RAPGEF2: variants seen among roughly 807,000 people sequenced by gnomAD.
The protein encoded by RAPGEF2 is Rap guanine nucleotide exchange factor 2.
Under a neutral mutation model 186.7 loss-of-function variants are expected in RAPGEF2, and 54 were observed. The observed-to-expected ratio is 0.29, with a 90% CI of 0.23 to 0.36. The LOEUF is 0.36. RAPGEF2 is among the 10% of genes least tolerant of loss of function. RAPGEF2 has a pLI of 1.00. For synonymous variants in RAPGEF2, 712 were observed against 705.9 expected, an observed-to-expected ratio of 1.01 and a Z score of -0.14; for missense variants, 1,532 against 2,045.0, an observed-to-expected ratio of 0.75 and a Z score of 4.84.
chr4:159,303,274 G>T (rs1269864535), intron 7 of RAPGEF2, among the ~76,000 whole-genome samples: 1 of 152,024 alleles, frequency 6.6e-6, no homozygotes, highest in Non-Finnish European at 1.5e-5. Flanking sequence ...GAGGGGGAGG[G>T]AATGAGCCTC....
intron 4 of RAPGEF2, among the ~76,000 whole-genome samples, chr4:159,218,453 A>G (rs1751193007): frequency 6.6e-6 from 1 of 152,190 alleles, no homozygotes; most frequent in South Asian, 2.1e-4. Context: ...TTCTTTATAG[A>G]GAACATTATT....
intron 7 of RAPGEF2, among the ~76,000 whole-genome samples, chr4:159,261,367 A>G (rs1756857246): frequency 6.6e-6 from 1 of 152,124 alleles, no homozygotes; most frequent in Non-Finnish European, 1.5e-5. Flanking sequence ...CAGCTGAAAA[A>G]GGTTAATTAT....
At chr4:159,303,116 C>G (rs1762867468) in intron 7 of RAPGEF2, among the ~76,000 whole-genome samples, 1 of 152,112 alleles carries the variant, frequency 6.6e-6, no homozygotes, top group Admixed American at 6.6e-5. Flanking sequence ...GGGGTGTAAT[C>G]TATTCAGACA....
chr4:159,171,059 C>T (rs1251389145), intron 1 of RAPGEF2, among the ~76,000 whole-genome samples: 2 of 152,096 alleles, frequency 1.3e-5, no homozygotes, highest in Admixed American at 1.3e-4. Flanking sequence ...CTGTCTACTT[C>T]TTAAGTGGTC....
intron 7 of RAPGEF2, among the ~76,000 whole-genome samples, chr4:159,294,254 T>G (rs1301778530): frequency 2.0e-5 from 3 of 152,238 alleles, no homozygotes; most frequent in African/African-American, 7.2e-5. Flanking sequence ...ATCTTTTTTC[T>G]TTGACTTTAA....
intron 1 of RAPGEF2, among the ~76,000 whole-genome samples, chr4:159,160,725 G>C (rs1239214514): frequency 6.6e-6 from 1 of 152,146 alleles, no homozygotes; most frequent in East Asian, 1.9e-4. Context: ...ACTCCAAAAG[G>C]AAGTGGATTT....
chr4:159,204,089 A>T (rs927408577), intron 3 of RAPGEF2, among the ~76,000 whole-genome samples: 6 of 152,258 alleles, frequency 3.9e-5, no homozygotes, highest in Non-Finnish European at 7.3e-5. Flanking sequence ...TTACCTGAGC[A>T]AATGATCACT....
intron 2 of RAPGEF2, among the ~76,000 whole-genome samples, chr4:159,187,134 A>G (rs1359156951): frequency 6.6e-6 from 1 of 152,228 alleles, no homozygotes; most frequent in East Asian, 1.9e-4. Context: ...TAGGTCCTAT[A>G]CTAAGGAGCT....
At chr4:159,311,698 G>T (rs1364154303) in intron 8 of RAPGEF2, among the ~76,000 whole-genome samples, 1 of 152,072 alleles carries the variant, frequency 6.6e-6, no homozygotes, top group Non-Finnish European at 1.5e-5. Context: ...TACATTCTAG[G>T]TACTCTTCTT....
intron 2 of RAPGEF2, among the ~76,000 whole-genome samples, chr4:159,191,404 A>G (rs1210201560): frequency 2.6e-5 from 4 of 152,036 alleles, no homozygotes; most frequent in African/African-American, 9.7e-5. Flanking sequence ...GGACCAAATG[A>G]TGGAGGAGTG....
At position 159,266,187 on chromosome 4, in the gene RAPGEF2, G is replaced by A. The variant is rs539832750; in HGVS notation, c.543+22396G>A. 4.0e-4 allele frequency among the ~76,000 whole-genome samples: 61 copies of A among 152,238 alleles called. No homozygotes were observed. In the South Asian group the frequency reaches 0.012, roughly 31 times the overall value. ...AAGGATAATGGGTAATGTAAGAAAAGGGGTTGGGGGGATGGGGAGAAGGAT... is the reference window on the plus strand; with the variant it reads ...AAGGATAATGGGTAATGTAAGAAAAAGGGTTGGGGGGATGGGGAGAAGGAT... On this transcript the variant is annotated intron_variant, in intron 7 of 29. Coordinates refer to ENST00000691494, the MANE Select transcript of RAPGEF2 (RefSeq NM_001394067.2).
At chr4:159,284,939 G>C in intron 7 of RAPGEF2, among the ~76,000 whole-genome samples, 1 of 152,156 alleles carries the variant, frequency 6.6e-6, no homozygotes, top group East Asian at 1.9e-4. Context: ...TGTGGTTCCA[G>C]CTACTTGAGA....
intron 7 of RAPGEF2, among the ~76,000 whole-genome samples, chr4:159,270,232 A>G (rs1003564222): frequency 3.9e-5 from 6 of 152,182 alleles, no homozygotes; most frequent in African/African-American, 1.2e-4. Context: ...CTTTGGTTCT[A>G]TTGAGTTTGC....
chr4:159,234,366 G>T (rs184148006), intron 4 of RAPGEF2, among the ~76,000 whole-genome samples: 26 of 139,600 alleles, frequency 1.9e-4, no homozygotes, highest in Non-Finnish European at 3.9e-4. Context: ...CTTTCAGCTG[G>T]TGTAATAGGA....
At chr4:159,358,064 A>C in intron 29 of RAPGEF2, 50 bp from the exon 30 acceptor site, 2 of 1,581,920 alleles carry the variant, frequency 1.3e-6, no homozygotes, top group Non-Finnish European at 1.7e-6. Context: ...TAGCACAAGA[A>C]ATTACTTGCT....
At chr4:159,330,265 A>ATATG in intron 12 of RAPGEF2, 69 bp from the exon 13 acceptor site, 2 of 529,620 alleles carry the variant, frequency 3.8e-6, no homozygotes, top group East Asian at 2.9e-5. Flanking sequence ...GTATATGTAT[A>ATATG]TGTGTGTGTG....
intron 5 of RAPGEF2, among the ~76,000 whole-genome samples, chr4:159,240,703 A>G (rs1461129226): frequency 6.6e-6 from 1 of 152,122 alleles, no homozygotes; most frequent in Non-Finnish European, 1.5e-5. Context: ...AAGTCATGGA[A>G]TGAAAGTAGA....
At chr4:159,159,659 A>C (rs538507804) in intron 1 of RAPGEF2, among the ~76,000 whole-genome samples, 4 of 152,238 alleles carry the variant, frequency 2.6e-5, no homozygotes, top group African/African-American at 7.2e-5. Flanking sequence ...AAAATTATTC[A>C]TACACATATT....
intron 8 of RAPGEF2, among the ~76,000 whole-genome samples, chr4:159,306,429 T>C (rs1763312601): frequency 6.6e-6 from 1 of 152,204 alleles, no homozygotes; most frequent in Non-Finnish European, 1.5e-5. Flanking sequence ...TGTTCTCAGC[T>C]AGATTGTTAT....
Sources: allele counts gnomAD v4.1 joint callset (sites outside exome capture counted in the v4.1 genomes callset), GRCh38; gene constraint gnomAD v4.1.1; transcripts MANE v1.5; gene names NCBI Gene and HGNC (gene_info 2026-07-23, HGNC 2026-07-21).